The following RNF150 variants were observed in gnomAD, a reference collection of about 807,000 sequenced individuals.
RNF150 encodes the protein ring finger protein 150.
In RNF150, 24 loss-of-function variants were observed where a neutral mutation model predicts 39.3. That is an observed-to-expected ratio of 0.61 (90% confidence interval 0.44 to 0.86). The LOEUF (loss-of-function observed/expected upper bound fraction) is 0.86. RNF150 is among the 40% of genes least tolerant of loss of function. The probability of loss-of-function intolerance (pLI) is 0.00; values close to 1 mark genes in which losing one functional copy is unlikely to be tolerated. For missense variants in RNF150, 502 were observed against 587.8 expected, an observed-to-expected ratio of 0.85 and a Z score of 1.51; for synonymous variants, 255 against 227.3, an observed-to-expected ratio of 1.12 and a Z score of -1.10.
intron 1 of RNF150, among the ~76,000 whole-genome samples, chr4:141,031,519 A>G (rs1035329821): frequency 6.6e-6 from 1 of 152,142 alleles, no homozygotes; most frequent in African/African-American, 2.4e-5. Context: ...AGAGTTAATA[A>G]TATCCAAAAT....
intron 6 of RNF150, among the ~76,000 whole-genome samples, chr4:140,887,058 G>C (rs1431229813): frequency 6.6e-6 from 1 of 152,104 alleles, no homozygotes; most frequent in Non-Finnish European, 1.5e-5. Flanking sequence ...GAAATCCCTA[G>C]AGTGATTTCC....
At chr4:141,099,264 G>A (rs1299851803) in intron 1 of RNF150, among the ~76,000 whole-genome samples, 1 of 152,038 alleles carries the variant, frequency 6.6e-6, no homozygotes, top group Admixed American at 6.6e-5. Context: ...GAGAACTCAA[G>A]AGCAACACAT....
At chr4:140,999,945 G>A (rs1162339488) in intron 1 of RNF150, among the ~76,000 whole-genome samples, 36 of 26,570 alleles carry the variant, frequency 1.4e-3, no homozygotes, top group East Asian at 8.6e-3. Context: ...CTCAAAAAAA[G>A]AAGAAGAAGA....
At chr4:141,103,071 T>C (rs968152645) in intron 1 of RNF150, among the ~76,000 whole-genome samples, 6 of 152,190 alleles carry the variant, frequency 3.9e-5, no homozygotes, top group Non-Finnish European at 8.8e-5. Flanking sequence ...AATGAAAGCA[T>C]AGCCTCTCCC....
intron 4 of RNF150, among the ~76,000 whole-genome samples, chr4:140,931,898 TC>T (rs1313098476): frequency 6.6e-6 from 1 of 152,236 alleles, no homozygotes. Flanking sequence ...ATCTATTGAT[TC>T]TTGTTTTCTG....
At chr4:141,106,057 C>T (rs1287206151) in intron 1 of RNF150, among the ~76,000 whole-genome samples, 1 of 152,192 alleles carries the variant, frequency 6.6e-6, no homozygotes, top group East Asian at 1.9e-4. Context: ...CTTTAACAAT[C>T]AAATAAACTG....
At chr4:140,988,008 A>C (rs1381889791) in intron 1 of RNF150, among the ~76,000 whole-genome samples, 1 of 152,232 alleles carries the variant, frequency 6.6e-6, no homozygotes, top group East Asian at 1.9e-4. Context: ...AAACATGCTC[A>C]TCATCACTGA....
At chr4:141,100,338 TCTC>T (rs1339868887) in intron 1 of RNF150, among the ~76,000 whole-genome samples, 10 of 152,108 alleles carry the variant, frequency 6.6e-5, no homozygotes, top group African/African-American at 2.4e-4. Context: ...GGTAAGGAGT[TCTC>T]CTCTTCAACT....
intron 1 of RNF150, among the ~76,000 whole-genome samples, chr4:141,079,539 T>TG (rs1430836902): frequency 6.6e-6 from 1 of 152,202 alleles, no homozygotes; most frequent in Non-Finnish European, 1.5e-5. Context: ...AAAAATAATA[T>TG]GTAAGGTGCT....
At chr4:141,182,648 G>C (rs1172399256) in intron 1 of RNF150, among the ~76,000 whole-genome samples, 1 of 26,550 alleles carries the variant, frequency 3.8e-5, no homozygotes, top group Non-Finnish European at 7.6e-5. Flanking sequence ...TCTTCAAGGA[G>C]AACTACAAAC....
At chr4:141,106,804 AAT>A (rs1303082849) in intron 1 of RNF150, among the ~76,000 whole-genome samples, 1 of 151,800 alleles carries the variant, frequency 6.6e-6, no homozygotes, top group African/African-American at 2.4e-5. Flanking sequence ...CAAAAAAAAT[AAT>A]ATATATATAT....
intron 5 of RNF150, among the ~76,000 whole-genome samples, chr4:140,924,560 G>C (rs1158836807): frequency 6.6e-6 from 1 of 152,176 alleles, no homozygotes; most frequent in Admixed American, 6.5e-5. Context: ...GGATTCTAAA[G>C]ATTTTGGAGA....
At chr4:140,963,763 T>A (rs924416727) in intron 2 of RNF150, among the ~76,000 whole-genome samples, 4 of 152,070 alleles carry the variant, frequency 2.6e-5, no homozygotes, top group Non-Finnish European at 5.9e-5. Context: ...ATATCATCCA[T>A]TTATTTTAAT....
chr4:141,143,168 T>C (rs1727149763), intron 1 of RNF150, among the ~76,000 whole-genome samples: 1 of 152,122 alleles, frequency 6.6e-6, no homozygotes, highest in Non-Finnish European at 1.5e-5. Context: ...CCGCGCCTGG[T>C]CAGGTATCTC....
intron 2 of RNF150, among the ~76,000 whole-genome samples, chr4:140,957,126 A>G (rs1222374067): frequency 2.7e-5 from 4 of 150,666 alleles, no homozygotes; most frequent in Non-Finnish European, 6.0e-5. Context: ...GCAACCTACA[A>G]AATGGGAGAA....
At chr4:141,035,620 C>A (rs1736112361) in intron 1 of RNF150, among the ~76,000 whole-genome samples, 2 of 152,182 alleles carry the variant, frequency 1.3e-5, no homozygotes, top group African/African-American at 4.8e-5. Context: ...AATAACCCTG[C>A]TGAAGGCTAT....
chr4:141,211,247 A>G (rs1286725776), intron 1 of RNF150, among the ~76,000 whole-genome samples: 1 of 152,212 alleles, frequency 6.6e-6, no homozygotes, highest in Non-Finnish European at 1.5e-5. Flanking sequence ...AAAAAATCAC[A>G]GTAGCAAATC....
intron 1 of RNF150, among the ~76,000 whole-genome samples, chr4:141,112,278 G>A (rs566402030): frequency 1.3e-5 from 2 of 152,280 alleles, no homozygotes; most frequent in South Asian, 4.1e-4. Flanking sequence ...TATGATGATA[G>A]CTGGTTATTT....
At chr4:140,942,929 A>G (rs1578990027) in intron 4 of RNF150, among the ~76,000 whole-genome samples, 1 of 152,334 alleles carries the variant, frequency 6.6e-6, no homozygotes, top group African/African-American at 2.4e-5. Context: ...TACGCGCCAC[A>G]TAATCAAACT....
Sources: allele counts gnomAD v4.1 joint callset (sites outside exome capture counted in the v4.1 genomes callset), GRCh38; gene constraint gnomAD v4.1.1; transcripts MANE v1.5; gene names NCBI Gene and HGNC (gene_info 2026-07-23, HGNC 2026-07-21).